Variants in CSMD1 observed in about 807,000 individuals in gnomAD.
The protein encoded by CSMD1 is CUB and sushi domain-containing protein 1.
In CSMD1, 213 loss-of-function variants were observed where a neutral mutation model predicts 417.5. The observed-to-expected ratio is 0.51, with a 90% CI of 0.46 to 0.57. CSMD1 has a LOEUF of 0.57. CSMD1 is among the 20% of genes least tolerant of loss of function. The pLI, the probability that CSMD1 is intolerant of heterozygous loss-of-function variation, is 0.00. For missense variants in CSMD1, 6,923 were observed against 4,529.7 expected (o/e 1.53, Z -15.17); for synonymous variants, 2,862 against 1,736.8 (o/e 1.65, Z -16.11).
intron 2 of CSMD1, among the ~76,000 whole-genome samples, chr8:4,591,580 C>A (rs576346551): frequency 4.6e-5 from 7 of 152,238 alleles, no homozygotes; most frequent in African/African-American, 1.4e-4. Context: ...CTCTTGGGAG[C>A]AGATGCAAGC....
intron 41 of CSMD1, among the ~76,000 whole-genome samples, chr8:3,129,707 G>A (rs533171633): frequency 2.0e-4 from 30 of 151,864 alleles, no homozygotes; most frequent in African/African-American, 6.8e-4. Flanking sequence ...TGTGGAGCTG[G>A]GCCGGGCGGG....
At chr8:3,565,693 T>C (rs773229710) in intron 10 of CSMD1, among the ~76,000 whole-genome samples, 2 of 152,240 alleles carry the variant, frequency 1.3e-5, no homozygotes, top group Non-Finnish European at 2.9e-5. Flanking sequence ...AGGATTTTCT[T>C]GCAAGCATTA....
chr8:4,146,882 T>C (rs1454480139), intron 3 of CSMD1, among the ~76,000 whole-genome samples: 2 of 144,622 alleles, frequency 1.4e-5, no homozygotes, highest in African/African-American at 5.8e-5. Flanking sequence ...AGTGCCGGCG[T>C]GATTACATGT....
intron 8 of CSMD1, among the ~76,000 whole-genome samples, chr8:3,593,202 G>A (rs1311515791): frequency 6.6e-6 from 1 of 152,240 alleles, no homozygotes; most frequent in South Asian, 2.1e-4. Context: ...CACCATACTT[G>A]GGACCAAGAC....
At chr8:3,270,264 G>T (rs7008676) in intron 26 of CSMD1, among the ~76,000 whole-genome samples, 38,320 of 151,780 alleles carry the variant, frequency 0.25, 4,992 homozygotes, top group South Asian at 0.31. Flanking sequence ...CACCATGTTG[G>T]CCAGGCTGGC....
intron 5 of CSMD1, among the ~76,000 whole-genome samples, chr8:3,843,111 A>C (rs1453911911): frequency 6.6e-6 from 1 of 152,150 alleles, no homozygotes; most frequent in African/African-American, 2.4e-5. Flanking sequence ...TTCTTTAGAG[A>C]GTTTGAATAA....
chr8:3,913,022 G>A (rs1808565700), intron 5 of CSMD1, among the ~76,000 whole-genome samples: 1 of 152,166 alleles, frequency 6.6e-6, no homozygotes, highest in Non-Finnish European at 1.5e-5. Flanking sequence ...AATGAGCTAA[G>A]GCGTGGAGAG....
At chr8:4,505,640 A>G (rs1802483626) in intron 2 of CSMD1, among the ~76,000 whole-genome samples, 1 of 152,110 alleles carries the variant, frequency 6.6e-6, no homozygotes, top group Non-Finnish European at 1.5e-5. Context: ...AACATGACCA[A>G]AACTTGCAGT....
chr8:3,302,287 T>C (rs1804473164), intron 25 of CSMD1, among the ~76,000 whole-genome samples: 1 of 152,186 alleles, frequency 6.6e-6, no homozygotes, highest in Admixed American at 6.5e-5. Context: ...GAAGTTTCTT[T>C]AATGTTTTTT....
intron 3 of CSMD1, among the ~76,000 whole-genome samples, chr8:4,128,115 A>T (rs1024533571): frequency 1.3e-5 from 2 of 152,130 alleles, no homozygotes; most frequent in East Asian, 3.9e-4. Flanking sequence ...TCTGGCAAAC[A>T]CTGTCAGGCC....
At chr8:3,316,486 C>G (rs546888140) in intron 23 of CSMD1, among the ~76,000 whole-genome samples, 1 of 152,014 alleles carries the variant, frequency 6.6e-6, no homozygotes, top group Non-Finnish European at 1.5e-5. Context: ...TTGAGAGGGA[C>G]AAAGGAAACT....
In CSMD1 at chr8:4,786,037, T is replaced by C. The variant is rs910748757; in HGVS notation, c.86-148479A>G. Among the ~76,000 whole-genome samples, 3 of 152,122 alleles carry C rather than the reference T, an allele frequency of 2.0e-5. No individual in the cohort carries two copies. The East Asian group carries it at 5.8e-4, about 29-fold the overall frequency. On this transcript the variant is annotated intron_variant, in intron 1 of 69. Coordinates refer to ENST00000635120, the MANE Select transcript of CSMD1 (RefSeq NM_033225.6). Reference sequence around the variant, plus strand: ...GGCTGGAGCTTCCTAAGAAATAGAATAGCCAACATTTGTACATAAATTATA... The same window carrying C: ...GGCTGGAGCTTCCTAAGAAATAGAACAGCCAACATTTGTACATAAATTATA...
At chr8:4,636,930 G>C (rs1346592830) in intron 2 of CSMD1, among the ~76,000 whole-genome samples, 1 of 152,030 alleles carries the variant, frequency 6.6e-6, no homozygotes. Flanking sequence ...TCTGTAAAAT[G>C]CACCAATCAG....
At chr8:3,407,261 A>G (rs1261184633) in intron 14 of CSMD1, among the ~76,000 whole-genome samples, 1 of 151,902 alleles carries the variant, frequency 6.6e-6, no homozygotes, top group Admixed American at 6.6e-5. Flanking sequence ...GAATGGAAGG[A>G]TATGGATTGA....
At chr8:3,406,252 A>G (rs1350695349) in intron 14 of CSMD1, 31 bp from the exon 15 acceptor site, 3 of 1,527,758 alleles carry the variant, frequency 2.0e-6, no homozygotes, top group Middle Eastern at 1.7e-4. Flanking sequence ...AAAAAGGAAT[A>G]AAAATACTTG....
intron 2 of CSMD1, among the ~76,000 whole-genome samples, chr8:4,607,414 C>T (rs1268106870): frequency 6.6e-6 from 1 of 152,112 alleles, no homozygotes; most frequent in Non-Finnish European, 1.5e-5. Flanking sequence ...CAGGCAACAA[C>T]TTCACGTGAC....
intron 5 of CSMD1, among the ~76,000 whole-genome samples, chr8:3,882,108 T>G (rs544477798): frequency 2.0e-5 from 3 of 152,218 alleles, no homozygotes; most frequent in African/African-American, 4.8e-5. Flanking sequence ...GGTCAAACCA[T>G]TAGCCAGAAA....
At chr8:3,550,509 C>A (rs1003629314) in intron 10 of CSMD1, among the ~76,000 whole-genome samples, 3 of 152,190 alleles carry the variant, frequency 2.0e-5, no homozygotes, top group Non-Finnish European at 4.4e-5. Flanking sequence ...TGTTTCCATA[C>A]ATATAAGGTG....
intron 1 of CSMD1, among the ~76,000 whole-genome samples, chr8:4,831,321 T>G (rs897530848): frequency 6.6e-6 from 1 of 152,204 alleles, no homozygotes; most frequent in African/African-American, 2.4e-5. Flanking sequence ...TTCTTCCTAG[T>G]GCTTCAGCAA....
Sources: gnomAD v4.1 joint callset for allele counts (sites outside exome capture counted in the v4.1 genomes callset) on GRCh38, gnomAD v4.1.1 for gene constraint, MANE v1.5 for transcripts, NCBI Gene and HGNC (gene_info 2026-07-23, HGNC 2026-07-21) for gene names.